Variants in HACL2 observed in about 807,000 individuals in gnomAD.
HACL2 encodes the protein 2-hydroxyacyl-CoA lyase 1 like.
the HACL2 span, chr19:15,125,047 CG>C: frequency 2.6e-6 from 4 of 1,553,590 alleles, no homozygotes; most frequent in Non-Finnish European, 2.6e-6. Context: ...GCGGCGGCCG[CG>C]GGGGTCTCCA....
the HACL2 span, chr19:15,116,464 G>A: frequency 3.1e-6 from 5 of 1,613,754 alleles, no homozygotes; most frequent in East Asian, 6.7e-5. Flanking sequence ...CCCAGTCTGG[G>A]GCCCAGGTCT....
At chr19:15,123,090 C>T in the HACL2 span, 2 of 1,612,526 alleles carry the variant, frequency 1.2e-6, no homozygotes, top group Non-Finnish European at 1.7e-6. The surrounding 1 kb of genome is among the most constrained non-coding windows in gnomAD (Gnocchi z 5.1). Context: ...CCCCTAGGCC[C>T]CCACTGGCCC....
the HACL2 span, chr19:15,115,332 G>A: frequency 3.1e-6 from 5 of 1,614,120 alleles, no homozygotes; most frequent in East Asian, 4.5e-5. Context: ...TCTCGGCACT[G>A]CTGCTGGGCA....
chr19:15,116,787 C>T, the HACL2 span: 4 of 468,742 alleles, frequency 8.5e-6, no homozygotes, highest in Non-Finnish European at 1.5e-5. Flanking sequence ...AAGCTGGCCT[C>T]GTCCCCTCCC....
chr19:15,125,017 G>A, the HACL2 span: 4 of 1,583,180 alleles, frequency 2.5e-6, no homozygotes, highest in Non-Finnish European at 2.6e-6. Flanking sequence ...AGGAAGGAGG[G>A]GAATAAGCTC....
the HACL2 span, among the ~76,000 whole-genome samples, chr19:15,121,683 C>T: frequency 6.6e-6 from 1 of 150,590 alleles, no homozygotes; most frequent in Non-Finnish European, 1.5e-5. Flanking sequence ...GTGGCGGGCG[C>T]CTGTAGTCCC....
At chr19:15,115,656 A>G in the HACL2 span, 3 of 1,613,776 alleles carry the variant, frequency 1.9e-6, no homozygotes, top group Non-Finnish European at 1.7e-6. Context: ...TTCCCTACCA[A>G]GGCCATCACT....
At chr19:15,119,325 G>A in the HACL2 span, 4 of 1,603,752 alleles carry the variant, frequency 2.5e-6, no homozygotes, top group East Asian at 4.5e-5. Flanking sequence ...GCAGAGCAGA[G>A]GTCAGTGTGG....
chr19:15,115,922 C>A, the HACL2 span: 3 of 1,614,156 alleles, frequency 1.9e-6, no homozygotes, highest in Non-Finnish European at 2.5e-6. Flanking sequence ...GGCACCAGAC[C>A]TAGTCGGGAG....
the HACL2 span, among the ~76,000 whole-genome samples, chr19:15,121,999 G>A: frequency 1.3e-5 from 2 of 148,478 alleles, no homozygotes; most frequent in African/African-American, 2.5e-5. Context: ...CTGGGTTCAC[G>A]CCATTCTCCT....
the HACL2 span, chr19:15,123,174 G>A: frequency 1.9e-6 from 3 of 1,614,060 alleles, no homozygotes; most frequent in Non-Finnish European, 2.5e-6. The surrounding 1 kb of genome is among the most constrained non-coding windows in gnomAD (Gnocchi z 5.1). Flanking sequence ...AGCCATCTGA[G>A]CATTCTTCAC....
chr19:15,120,967 T>G, the HACL2 span, among the ~76,000 whole-genome samples: 4 of 151,932 alleles, frequency 2.6e-5, no homozygotes, highest in Non-Finnish European at 5.9e-5. Flanking sequence ...AGATAAGAGA[T>G]AGCCTTGTGA....
At chr19:15,120,364 T>A in the HACL2 span, among the ~76,000 whole-genome samples, 1 of 152,200 alleles carries the variant, frequency 6.6e-6, no homozygotes, top group Non-Finnish European at 1.5e-5. Flanking sequence ...GTCCAACAGA[T>A]GTGAGCTCAA....
chr19:15,115,024 T>C, the HACL2 span: 4 of 601,428 alleles, frequency 6.7e-6, no homozygotes, highest in Middle Eastern at 4.4e-4. Flanking sequence ...GTTTATTCAG[T>C]CTCCATAAGA....
the HACL2 span, among the ~76,000 whole-genome samples, chr19:15,121,246 G>A: frequency 2.6e-5 from 4 of 152,102 alleles, no homozygotes; most frequent in South Asian, 2.1e-4. Flanking sequence ...GGGACAAAGC[G>A]AGACTCCGTC....
chr19:15,118,990 C>G, the HACL2 span, among the ~76,000 whole-genome samples: 2 of 152,238 alleles, frequency 1.3e-5, no homozygotes, highest in Admixed American at 6.5e-5. Context: ...TGTTACAGGG[C>G]AGTAGCTATC....
the HACL2 span, among the ~76,000 whole-genome samples, chr19:15,121,882 G>C: frequency 6.7e-6 from 1 of 149,568 alleles, no homozygotes; most frequent in Non-Finnish European, 1.5e-5. Flanking sequence ...GAGAGGGCTC[G>C]AGTCTGGGCT....
the HACL2 span, chr19:15,125,288 C>G: frequency 1.7e-6 from 1 of 571,636 alleles, no homozygotes; most frequent in South Asian, 2.2e-5. Context: ...CGGGGCTAGC[C>G]CCAGTCCTTT....
chr19:15,122,452 G>A, the HACL2 span, among the ~76,000 whole-genome samples: 1 of 152,028 alleles, frequency 6.6e-6, no homozygotes, highest in Non-Finnish European at 1.5e-5. The surrounding 1 kb of genome is among the most constrained non-coding windows in gnomAD (Gnocchi z 4.0). Context: ...AGGAGGAGGA[G>A]GAGGGCTGTC....
Sources: allele counts gnomAD v4.1 joint callset (sites outside exome capture counted in the v4.1 genomes callset), GRCh38; gene constraint gnomAD v4.1.1; non-coding constraint Gnocchi (gnomAD v3.1); transcripts MANE v1.5; gene names NCBI Gene and HGNC (gene_info 2026-07-23, HGNC 2026-07-21).